ZC3H14: variants seen among roughly 807,000 people sequenced by gnomAD.
ZC3H14 encodes zinc finger CCCH-type containing 14, also known as zinc finger CCCH domain-containing protein 14.
In ZC3H14, 31 loss-of-function variants were observed where a neutral mutation model predicts 92.4. The ratio of observed to expected loss-of-function variants is 0.34; its 90% CI spans 0.25 to 0.45. The LOEUF (loss-of-function observed/expected upper bound fraction) is 0.45. Ranked by LOEUF, ZC3H14 falls within the 20% of genes least tolerant of loss-of-function variation. The pLI, the probability that ZC3H14 is intolerant of heterozygous loss-of-function variation, is 1.00. For synonymous variants in ZC3H14, 321 were observed against 300.9 expected (o/e 1.07, Z -0.69); for missense variants, 781 against 897.3 (o/e 0.87, Z 1.66).
Position 88,594,919 on chromosome 14 carries a change from G to A in ZC3H14, c.1280-1815G>A, listed in dbSNP as rs774087366. ...GAAAGCAGCTATTTTGACAGTGGAA[G>A]CAAATCTTTTTGATCTAAATGTTAG... On this transcript the variant is annotated intron_variant, in intron 9 of 16. Transcript: ENST00000251038. The A allele has an allele frequency of 4.1e-5, 66 of 1,613,884 alleles. 1 individual carries two copies. In the South Asian group the frequency reaches 7.2e-4, roughly 18 times the overall value.
chr14:88,569,016 A>C (rs116287125), intron 3 of ZC3H14, among the ~76,000 whole-genome samples: 104 of 151,876 alleles, frequency 6.8e-4, no homozygotes, highest in African/African-American at 1.8e-3. Context: ...TCCTTCCTGA[A>C]CTCCCATGCC....
chr14:88,616,509 C>G lies in ZC3H14; in HGVS notation c.*4758C>G. On this transcript the variant is annotated 3_prime_UTR_variant, in exon 17 of 17. Transcript: ENST00000251038. The stretch of plus-strand genomic sequence containing the variant: ...AACTGATTATAGGTTTGGTGAAAAG[C>G]TAATTACAGCTTTTGTAGGATGGTT... The G allele has an allele frequency of 1.7e-6, 1 of 602,662 alleles. No individual in the cohort carries two copies. Among genetic ancestry groups the G allele is most frequent in the Non-Finnish European group, 2.9e-6 (1 of 350,094 alleles). 37.3% of individuals were successfully genotyped at this position (602,662 alleles called of 1,614,324 possible).
intron 9 of ZC3H14, chr14:88,595,205 A>T (rs1007084062): frequency 6.4e-7 from 1 of 1,550,500 alleles, no homozygotes; most frequent in African/African-American, 1.4e-5. Flanking sequence ...GGAGGGAGCA[A>T]GTTACAGAGA....
At chr14:88,586,107 G>A (rs2082445266) in intron 9 of ZC3H14, among the ~76,000 whole-genome samples, 1 of 152,238 alleles carries the variant, frequency 6.6e-6, no homozygotes, top group Non-Finnish European at 1.5e-5. Context: ...GGCAGAGGTT[G>A]CAGTGGGCTG....
At chr14:88,567,337 A>G (rs8013871) in intron 2 of ZC3H14, among the ~76,000 whole-genome samples, 144,129 of 151,262 alleles carry the variant, frequency 0.95, 68,960 homozygotes, top group Middle Eastern at 1. Flanking sequence ...GGATGGTCTC[A>G]ATCTCCTAAC....
intron 12 of ZC3H14, among the ~76,000 whole-genome samples, chr14:88,607,039 C>G (rs1370210521): frequency 2.0e-5 from 3 of 152,142 alleles, no homozygotes; most frequent in Non-Finnish European, 4.4e-5. Flanking sequence ...TTCCTTTTCA[C>G]AGTGAGAACT....
intron 9 of ZC3H14, among the ~76,000 whole-genome samples, chr14:88,588,250 C>T (rs773055060): frequency 1.3e-4 from 20 of 152,170 alleles, no homozygotes; most frequent in Non-Finnish European, 2.5e-4. Flanking sequence ...GAGGCGCCCT[C>T]CTCCCCTGAG....
chr14:88,595,231 G>T (rs1276115510), intron 9 of ZC3H14: 15 of 1,510,676 alleles, frequency 9.9e-6, no homozygotes, highest in South Asian at 2.6e-5. Context: ...AATTTTTCAT[G>T]GACCTTTAAT....
chr14:88,625,071 G>A lies in ZC3H14; in HGVS notation c.*13320G>A. 6.2e-7 allele frequency: 1 copy of A among 1,613,920 alleles called. No homozygotes were observed. The highest frequency in any genetic ancestry group is 8.5e-7 in the Non-Finnish European group (1 of 1,179,840). On this transcript the variant is annotated 3_prime_UTR_variant, in exon 17 of 17. Coordinates refer to ENST00000251038, the MANE Select transcript of ZC3H14 (RefSeq NM_024824.5). Reference sequence around the variant, plus strand: ...CTCTCGCCACGATTCTACACAATATGTGATCTTTCCACACACAGACATCAC... The same window carrying A: ...CTCTCGCCACGATTCTACACAATATATGATCTTTCCACACACAGACATCAC...
rs76983138 is a variant in ZC3H14, at chr14:88,596,041, T to C, written c.1280-693T>C. ...AAAAATCAGTTCTTTGTCCCTATTT[T>C]GTGCAGTCAGACTGCTGGGCATATT... On this transcript the variant is annotated intron_variant, in intron 9 of 16. Coordinates refer to ENST00000251038, the MANE Select transcript of ZC3H14 (RefSeq NM_024824.5). Among the ~76,000 whole-genome samples the C allele has an allele frequency of 0.013, 1,945 of 152,324 alleles. 128 individuals carry two copies. The East Asian group carries it at 0.19, about 15-fold the overall frequency.
Position 88,625,035 on chromosome 14 carries a change from C to T in ZC3H14, c.*13284C>T. 3 of 1,612,588 alleles carry T rather than the reference C, an allele frequency of 1.9e-6. No homozygotes were observed. The highest frequency in any genetic ancestry group is 1.7e-4 in the Middle Eastern group (1 of 6,058). ...GGGTGGTGTACATGGCAAACACAGG[C>T]CCGTTGTGAGCTCTCGCCACGATTC... On this transcript the variant is annotated 3_prime_UTR_variant, in exon 17 of 17. Coordinates refer to ENST00000251038, the MANE Select transcript of ZC3H14 (RefSeq NM_024824.5).
At chr14:88,598,535 A>T (rs1044406986) in intron 10 of ZC3H14, among the ~76,000 whole-genome samples, 3 of 152,220 alleles carry the variant, frequency 2.0e-5, no homozygotes, top group Admixed American at 2.0e-4. Context: ...CTCTGTTCTT[A>T]TCCTCTGAAG....
At chr14:88,563,549 C>A in intron 1 of ZC3H14, 102 bp from the exon 2 acceptor site, 1 of 1,578,744 alleles carries the variant, frequency 6.3e-7, no homozygotes, top group South Asian at 1.1e-5. Context: ...CCGGGGGATC[C>A]GAGGTGCGCG....
At position 88,621,011 on chromosome 14, in the gene ZC3H14, CTCAACAGA is replaced by C; in HGVS notation, c.*9261_*9268del. On this transcript the variant is annotated 3_prime_UTR_variant, in exon 17 of 17. Coordinates refer to ENST00000251038, the MANE Select transcript of ZC3H14 (RefSeq NM_024824.5). The stretch of plus-strand genomic sequence containing the variant: ...ATTATACCAGTTTCCCCTCAAAATG[CTCAACAGA>C]ATTCTGGCAGTTCTTTAAGTACTAG... 6.8e-7 allele frequency: 1 copy of C among 1,474,276 alleles called. No homozygotes were observed. The allele number at this position is 1,474,276 out of a possible 1,614,324, so 91.3% of individuals were successfully genotyped here.
At chr14:88,597,619 G>T (rs746040542) in intron 10 of ZC3H14, among the ~76,000 whole-genome samples, 1 of 152,144 alleles carries the variant, frequency 6.6e-6, no homozygotes, top group African/African-American at 2.4e-5. Flanking sequence ...GATCCCACTG[G>T]GTTGGTGAGC....
intron 9 of ZC3H14, among the ~76,000 whole-genome samples, chr14:88,587,391 C>G (rs776026136): frequency 2.0e-5 from 3 of 152,070 alleles, no homozygotes; most frequent in South Asian, 2.1e-4. Flanking sequence ...GTCTCAAACT[C>G]CTGAGCTCAG....
chr14:88,598,768 G>A (rs991999890), intron 10 of ZC3H14, among the ~76,000 whole-genome samples: 13 of 150,364 alleles, frequency 8.6e-5, no homozygotes, highest in African/African-American at 3.2e-4. Flanking sequence ...GTAGAGGTCG[G>A]GATTGGTGTG....
rs1566915154 is a variant in ZC3H14 at position 88,578,032 on chromosome 14, CAAG to C, written c.1177_1179del (p.Glu393del). On this transcript the variant is annotated inframe_deletion, in exon 9 of 17. Transcript: ENST00000251038. ...AGTTGCTCCCAGAACTCGAACTTCT[CAAG>C]AAGAATTGCTAGCAGAAGTGGTCCA... 3 of 1,614,118 alleles carry C rather than the reference CAAG, an allele frequency of 1.9e-6. No homozygotes were observed. Among genetic ancestry groups the C allele is most frequent in the African/African-American group, 1.3e-5 (1 of 75,020 alleles).
chr14:88,610,817 C>G lies in ZC3H14; in HGVS notation c.2098-17C>G. On this transcript the variant is annotated splice_polypyrimidine_tract_variant and intron_variant, in intron 15 of 16. Coordinates refer to ENST00000251038, the MANE Select transcript of ZC3H14 (RefSeq NM_024824.5). ...TAGCCTTGTGGATATTGTTGAAGCT[C>G]TGTTATCTCTATTCAGCATTGTAGG... 1 of 1,605,958 alleles carries G rather than the reference C, an allele frequency of 6.2e-7. No individual in the cohort carries two copies. The highest frequency in any genetic ancestry group is 1.1e-5 in the South Asian group (1 of 90,930).
Sources: gnomAD v4.1 joint callset for allele counts (sites outside exome capture counted in the v4.1 genomes callset) on GRCh38, gnomAD v4.1.1 for gene constraint, MANE v1.5 for transcripts, NCBI Gene and HGNC (gene_info 2026-07-23, HGNC 2026-07-21) for gene names.